CLTA: variants seen among roughly 807,000 people sequenced by gnomAD.
The protein encoded by CLTA is clathrin, light polypeptide (Lca).
CLTA carries 9 observed loss-of-function variants against 26.9 expected under a neutral mutation model. The ratio of observed to expected loss-of-function variants is 0.33; its 90% CI spans 0.20 to 0.58. CLTA has a LOEUF of 0.58. CLTA is among the 20% of genes least tolerant of loss of function. The probability of loss-of-function intolerance (pLI) is 0.85; values close to 1 mark genes in which losing one functional copy is unlikely to be tolerated. For missense variants in CLTA, 278 were observed against 294.2 expected, an observed-to-expected ratio of 0.94 and a Z score of 0.40; for synonymous variants, 120 against 115.5, an observed-to-expected ratio of 1.04 and a Z score of -0.25.
intron 3 of CLTA, 72 bp from the exon 4 acceptor site, chr9:36,203,996 C>A: frequency 6.3e-7 from 1 of 1,587,034 alleles, no homozygotes; most frequent in South Asian, 1.2e-5. Context: ...TCAGCAAGAC[C>A]AAAATAAACT....
At chr9:36,191,329 G>T in intron 1 of CLTA, 56 bp downstream of exon 1, 1 of 1,454,010 alleles carries the variant, frequency 6.9e-7, no homozygotes, top group Non-Finnish European at 9.0e-7. Context: ...TCGGTCCACA[G>T]TGGGTCCGAG....
At chr9:36,196,145 T>C (rs1474591341) in intron 1 of CLTA, among the ~76,000 whole-genome samples, 5 of 151,456 alleles carry the variant, frequency 3.3e-5, no homozygotes, top group African/African-American at 1.2e-4. Context: ...GTGGGCATGA[T>C]AGCTCACGCC....
At chr9:36,201,424 C>T (rs1346092439) in intron 3 of CLTA, among the ~76,000 whole-genome samples, 1 of 152,192 alleles carries the variant, frequency 6.6e-6, no homozygotes, top group Non-Finnish European at 1.5e-5. Context: ...GACTCTTCCT[C>T]TTCATCCTCT....
In CLTA at chr9:36,196,407, C is replaced by T. The variant is rs1264765072; in HGVS notation, c.218-1144C>T. Among the ~76,000 whole-genome samples the T allele has an allele frequency of 8.2e-5, 12 of 146,724 alleles. No individual in the cohort carries two copies. The South Asian group carries it at 1.3e-3, about 16-fold the overall frequency. The stretch of plus-strand genomic sequence containing the variant: ...CGTCACCCAGGCTGGAGTGCAGTGG[C>T]GCGATCTTGGCTCACTGCAACCTCT... On this transcript the variant is annotated intron_variant, in intron 1 of 4. Transcript: ENST00000345519.
At chr9:36,206,146 AC>A (rs1161632249) in intron 4 of CLTA, among the ~76,000 whole-genome samples, 1 of 152,078 alleles carries the variant, frequency 6.6e-6, no homozygotes, top group Non-Finnish European at 1.5e-5. Flanking sequence ...TGTACTTGGA[AC>A]TGTAGAATGC....
chr9:36,196,353 T>C (rs899567569), intron 1 of CLTA, among the ~76,000 whole-genome samples: 1 of 150,444 alleles, frequency 6.6e-6, no homozygotes, highest in Admixed American at 6.6e-5. Context: ...TTTTTTTTTT[T>C]TTTTATTTTT....
chr9:36,210,871 C>CGGCT (rs1178182972), intron 4 of CLTA, among the ~76,000 whole-genome samples: 8 of 152,288 alleles, frequency 5.3e-5, no homozygotes, highest in Admixed American at 1.3e-4. Flanking sequence ...CTGTCCTTTC[C>CGGCT]GGCTGTAGCT....
chr9:36,196,044 G>A (rs1563907774), intron 1 of CLTA, among the ~76,000 whole-genome samples: 1 of 151,886 alleles, frequency 6.6e-6, no homozygotes, highest in Non-Finnish European at 1.5e-5. Flanking sequence ...GGGAGGCTGA[G>A]GTGGGTGGAT....
At chr9:36,208,922 A>G (rs1827877964) in intron 4 of CLTA, among the ~76,000 whole-genome samples, 5 of 152,334 alleles carry the variant, frequency 3.3e-5, no homozygotes, top group Admixed American at 2.0e-4. Flanking sequence ...AGTCAGGGTC[A>G]TAGGTTGTTA....
chr9:36,196,582 C>T (rs942247610), intron 1 of CLTA, among the ~76,000 whole-genome samples: 1 of 151,930 alleles, frequency 6.6e-6, no homozygotes. Flanking sequence ...CTCCTGACCT[C>T]GAGTGATCCT....
chr9:36,191,625 T>G (rs1826727695), intron 1 of CLTA, among the ~76,000 whole-genome samples: 1 of 152,166 alleles, frequency 6.6e-6, no homozygotes, highest in African/African-American at 2.4e-5. Context: ...TTTTCCAGAC[T>G]TATAAGCTTA....
intron 4 of CLTA, 67 bp downstream of exon 4, chr9:36,204,246 A>G (rs116585560): frequency 2.6e-6 from 4 of 1,531,296 alleles, no homozygotes; most frequent in African/African-American, 1.4e-5. Context: ...CTCAGCATCC[A>G]GTCTCGGTTT....
intron 1 of CLTA, among the ~76,000 whole-genome samples, chr9:36,193,565 A>G (rs1826859072): frequency 6.6e-6 from 1 of 152,168 alleles, no homozygotes; most frequent in African/African-American, 2.4e-5. Flanking sequence ...AATTCCAGCT[A>G]CTATTAGTGG....
intron 4 of CLTA, among the ~76,000 whole-genome samples, chr9:36,206,578 G>A (rs1827737560): frequency 6.6e-6 from 1 of 152,076 alleles, no homozygotes; most frequent in Admixed American, 6.6e-5. Flanking sequence ...CTGTCTATGG[G>A]TAAAGAGTGA....
chr9:36,193,361 A>G (rs1357265243), intron 1 of CLTA, among the ~76,000 whole-genome samples: 5 of 146,292 alleles, frequency 3.4e-5, no homozygotes, highest in Admixed American at 2.1e-4. Context: ...TTAAGATTCT[A>G]TGCTATCCTA....
intron 2 of CLTA, 130 bp downstream of exon 2, chr9:36,197,718 A>T (rs776776028): frequency 1.5e-6 from 1 of 673,656 alleles, no homozygotes; most frequent in African/African-American, 1.8e-5. Flanking sequence ...CTGGTGTGTT[A>T]TCTACCAAAG....
Position 36,211,966 on chromosome 9 carries a change from G to C in CLTA, c.*192G>C, listed in dbSNP as rs572591308. ...CCCTGGCATTCAGAGAGGAGGGAGA[G>C]GAGGAAGAGGAAGGGGAGGGAAGCT... On this transcript the variant is annotated 3_prime_UTR_variant, in exon 5 of 5. Transcript: ENST00000345519. The C allele has an allele frequency of 3.8e-5, 27 of 703,390 alleles. No homozygotes were observed. The Admixed American group carries it at 5.5e-4, about 14-fold the overall frequency. 43.6% of individuals were successfully genotyped at this position (703,390 alleles called of 1,614,324 possible). A position where few individuals can be genotyped will look rare whatever the true frequency, so the allele number is the denominator to read the frequency against.
chr9:36,192,392 G>A (rs1826787916), intron 1 of CLTA, among the ~76,000 whole-genome samples: 1 of 152,222 alleles, frequency 6.6e-6, no homozygotes, highest in Non-Finnish European at 1.5e-5. Context: ...CCAGCCAGGC[G>A]GAACCTTTTG....
intron 4 of CLTA, among the ~76,000 whole-genome samples, chr9:36,208,559 A>G (rs1217656618): frequency 6.6e-6 from 1 of 152,150 alleles, no homozygotes; most frequent in Non-Finnish European, 1.5e-5. Flanking sequence ...TTTTTCCTGT[A>G]AGGTTGAGAT....
Sources: allele counts gnomAD v4.1 joint callset (sites outside exome capture counted in the v4.1 genomes callset), GRCh38; gene constraint gnomAD v4.1.1; transcripts MANE v1.5; gene names NCBI Gene and HGNC (gene_info 2026-07-23, HGNC 2026-07-21).